SNX9: variants seen among roughly 807,000 people sequenced by gnomAD.
SNX9 encodes the protein sorting nexin 9.
A neutral mutation model predicts 89.4 loss-of-function variants in SNX9; 44 were observed. That is an observed-to-expected ratio of 0.49 (90% CI 0.39 to 0.63). SNX9 has a LOEUF of 0.63. Ranked by LOEUF, SNX9 falls within the 30% of genes least tolerant of loss-of-function variation. The probability of loss-of-function intolerance (pLI) is 0.00; values close to 1 mark genes in which losing one functional copy is unlikely to be tolerated. For synonymous variants in SNX9, 236 were observed against 247.8 expected (o/e 0.95, Z 0.45); for missense variants, 578 against 736.1 (o/e 0.79, Z 2.49).
At chr6:157,920,815 T>C (rs911387752) in intron 9 of SNX9, among the ~76,000 whole-genome samples, 2 of 152,252 alleles carry the variant, frequency 1.3e-5, no homozygotes, top group Admixed American at 6.5e-5. Flanking sequence ...ATGTTTGTTA[T>C]GCTATTCTTG....
rs1478178523 is a variant in SNX9 at position 157,944,496 on chromosome 6, A to G, written c.*1658A>G. ...GCCAACATATAAATAAATTGTTTAA[A>G]AAAACTGTACAGTAAATTCTCAAAG... On this transcript the variant is annotated 3_prime_UTR_variant, in exon 18 of 18. Coordinates refer to ENST00000392185, the MANE Select transcript of SNX9 (RefSeq NM_016224.5). 1 of 152,676 alleles carries G rather than the reference A, an allele frequency of 6.5e-6. No individual in the cohort carries two copies. Among genetic ancestry groups the G allele is most frequent in the Admixed American group, 6.5e-5 (1 of 15,284 alleles). 9.5% of individuals were successfully genotyped at this position (152,676 alleles called of 1,614,324 possible).
At chr6:157,849,659 A>G (rs982727269) in intron 1 of SNX9, among the ~76,000 whole-genome samples, 17 of 152,226 alleles carry the variant, frequency 1.1e-4, no homozygotes, top group Non-Finnish European at 2.2e-4. Flanking sequence ...TTTAGAAAGT[A>G]GATTTGCCAG....
chr6:157,924,018 C>T (rs1001455207), intron 10 of SNX9, among the ~76,000 whole-genome samples: 10 of 151,968 alleles, frequency 6.6e-5, no homozygotes, highest in African/African-American at 1.9e-4. Context: ...GCCAATATGG[C>T]GAAACCCTGT....
intron 4 of SNX9, among the ~76,000 whole-genome samples, chr6:157,896,001 T>G (rs1782969843): frequency 6.6e-6 from 1 of 152,208 alleles, no homozygotes; most frequent in South Asian, 2.1e-4. Flanking sequence ...TAAACTGATG[T>G]TAACCATCAA....
At chr6:157,881,192 G>T (rs1187569640) in intron 4 of SNX9, among the ~76,000 whole-genome samples, 1 of 152,150 alleles carries the variant, frequency 6.6e-6, no homozygotes, top group East Asian at 1.9e-4. Context: ...GTTAATTCTT[G>T]CAATGTTTCA....
At chr6:157,913,226 AT>A (rs149192172) in intron 9 of SNX9, among the ~76,000 whole-genome samples, 3,862 of 152,274 alleles carry the variant, frequency 0.025, 114 homozygotes, top group African/African-American at 0.069. Context: ...GTCTAGACTC[AT>A]TGTTCTGTTC....
At chr6:157,918,155 A>G (rs1475985744) in intron 9 of SNX9, among the ~76,000 whole-genome samples, 1 of 152,132 alleles carries the variant, frequency 6.6e-6, no homozygotes, top group East Asian at 1.9e-4. Flanking sequence ...TCAGGTTTCT[A>G]TATCCTTGCC....
At chr6:157,870,325 C>G (rs548087602) in intron 2 of SNX9, among the ~76,000 whole-genome samples, 1 of 151,136 alleles carries the variant, frequency 6.6e-6, no homozygotes, top group Non-Finnish European at 1.5e-5. Context: ...CCTACTCTCT[C>G]ACCTGCGCTC....
chr6:157,922,013 G>A (rs572968596), intron 10 of SNX9, among the ~76,000 whole-genome samples: 1 of 152,292 alleles, frequency 6.6e-6, no homozygotes, highest in Non-Finnish European at 1.5e-5. Flanking sequence ...GGAGTGGAGT[G>A]ACTGATTTTC....
At chr6:157,850,790 T>C (rs1781895495) in intron 1 of SNX9, among the ~76,000 whole-genome samples, 1 of 152,250 alleles carries the variant, frequency 6.6e-6, no homozygotes, top group Non-Finnish European at 1.5e-5. Context: ...TATATCTTCT[T>C]TGCCTTTTCA....
chr6:157,847,067 A>G (rs890589028), intron 1 of SNX9, among the ~76,000 whole-genome samples: 4 of 152,136 alleles, frequency 2.6e-5, no homozygotes, highest in African/African-American at 9.7e-5. Context: ...TCTTAATTAT[A>G]CTTTCAGAGT....
intron 2 of SNX9, among the ~76,000 whole-genome samples, chr6:157,870,865 TGCA>T (rs1440405124): frequency 1.4e-5 from 2 of 146,300 alleles, no homozygotes; most frequent in Non-Finnish European, 3.0e-5. Flanking sequence ...CTCACACAGA[TGCA>T]GCACTCACCC....
At chr6:157,830,175 C>CT (rs921781222) in intron 1 of SNX9, 8 of 152,256 alleles carry the variant, frequency 5.3e-5, no homozygotes, top group African/African-American at 1.7e-4. Flanking sequence ...TGTGTCTTTG[C>CT]TTACTGTTTC....
Position 157,823,569 on chromosome 6 carries a change from C to A in SNX9, c.12+123C>A, listed in dbSNP as rs963734827. 2 of 831,900 alleles carry A rather than the reference C, an allele frequency of 2.4e-6. No homozygotes were observed. Among genetic ancestry groups the A allele is most frequent in the Non-Finnish European group, 3.1e-6 (2 of 650,292 alleles). The allele number at this position is 831,900 out of a possible 1,614,324, so 51.5% of individuals were successfully genotyped here. ...TGGTCGAGGGGCCACTCCGCTTCCTCGGTGGAGTCCCCGGGCGGGTCCGCG... is the reference window on the plus strand; with the variant it reads ...TGGTCGAGGGGCCACTCCGCTTCCTAGGTGGAGTCCCCGGGCGGGTCCGCG... On this transcript the variant is annotated intron_variant, in intron 1 of 17. Coordinates refer to ENST00000392185, the MANE Select transcript of SNX9 (RefSeq NM_016224.5). This position sits in a 1 kb window ranked among gnomAD's most constrained non-coding sequence, Gnocchi z 4.6.
rs1173796396 is a variant in SNX9, at chr6:157,918,020, A to G, written c.950-3511A>G. ...AGTCCTCTTACATTTATTGAGACTT[A>G]TTTTATGGCCTAGCATATGGTCTGT... is the stretch of plus-strand genomic sequence containing the variant. On this transcript the variant is annotated intron_variant, in intron 9 of 17. Coordinates refer to ENST00000392185, the MANE Select transcript of SNX9 (RefSeq NM_016224.5). 3.3e-5 allele frequency among the ~76,000 whole-genome samples: 5 copies of G among 152,062 alleles called. No individual in the cohort carries two copies. In the East Asian group the frequency reaches 9.6e-4, roughly 29 times the overall value.
chr6:157,902,375 A>T (rs1177881477), intron 6 of SNX9, among the ~76,000 whole-genome samples: 1 of 152,256 alleles, frequency 6.6e-6, no homozygotes, highest in African/African-American at 2.4e-5. Context: ...TAATAATAAC[A>T]ACTCTCTTTT....
At chr6:157,928,435 G>T (rs1192897602) in intron 11 of SNX9, among the ~76,000 whole-genome samples, 164 bp from the exon 12 acceptor site, 6 of 152,232 alleles carry the variant, frequency 3.9e-5, no homozygotes, top group Non-Finnish European at 7.3e-5. Flanking sequence ...TTTTTAAGTA[G>T]TTCTTTAAAT....
chr6:157,844,160 A>G (rs928963970), intron 1 of SNX9, among the ~76,000 whole-genome samples: 10 of 151,996 alleles, frequency 6.6e-5, no homozygotes, highest in African/African-American at 2.2e-4. Context: ...TAACCGCCCA[A>G]TGGGTTCACT....
intron 1 of SNX9, among the ~76,000 whole-genome samples, chr6:157,839,357 A>G (rs1282962553): frequency 6.6e-6 from 1 of 152,240 alleles, no homozygotes. Context: ...GTCTTTTATT[A>G]GAGATGCAAT....
Sources: allele counts gnomAD v4.1 joint callset (sites outside exome capture counted in the v4.1 genomes callset), GRCh38; gene constraint gnomAD v4.1.1; non-coding constraint Gnocchi (gnomAD v3.1); transcripts MANE v1.5; gene names NCBI Gene and HGNC (gene_info 2026-07-23, HGNC 2026-07-21).